The following NCKAP5 variants were observed in gnomAD, a reference collection of about 807,000 sequenced individuals.
The protein encoded by NCKAP5 is nck-associated protein 5.
Under a neutral mutation model 167.0 loss-of-function variants are expected in NCKAP5, and 92 were observed. That is an observed-to-expected ratio of 0.55 (90% confidence interval 0.47 to 0.66). NCKAP5 has a LOEUF of 0.66. Ranked by LOEUF, NCKAP5 falls within the 30% of genes least tolerant of loss-of-function variation. The probability of loss-of-function intolerance (pLI) is 0.00; values close to 1 mark genes in which losing one functional copy is unlikely to be tolerated. For synonymous variants in NCKAP5, 891 were observed against 877.4 expected (o/e 1.02, Z -0.27); for missense variants, 2,378 against 2,315.0 (o/e 1.03, Z -0.56).
At chr2:133,598,424 G>A in the NCKAP5 span, among the ~76,000 whole-genome samples, 901 of 152,224 alleles carry the variant, frequency 5.9e-3, 28 homozygotes, top group Admixed American at 0.052. Context: ...GAACTGGCTG[G>A]ACCACACAAC....
rs753854355 is a variant in NCKAP5 at position 133,568,308 on chromosome 2, TG to T, written c.-223del. ...CCAGCTAAAAATTTCCTCCCGCGGT[TG>T]GTTATCCTCTGTTTATTTTTGAAGC... On this transcript the variant is annotated 5_prime_UTR_variant, in exon 1 of 20. Transcript: ENST00000409261. 1 of 152,124 alleles carries T rather than the reference TG, an allele frequency of 6.6e-6. No homozygotes were observed. Among genetic ancestry groups the T allele is most frequent in the Non-Finnish European group, 1.5e-5 (1 of 68,026 alleles). The allele number at this position is 152,124 out of a possible 1,614,324, so 9.4% of individuals were successfully genotyped here.
At chr2:132,937,253 T>C (rs1574695865) in intron 8 of NCKAP5, among the ~76,000 whole-genome samples, 1 of 152,188 alleles carries the variant, frequency 6.6e-6, no homozygotes, top group East Asian at 1.9e-4. Context: ...ATGGGCATGG[T>C]AAAGGGATCT....
intron 8 of NCKAP5, among the ~76,000 whole-genome samples, chr2:132,960,412 C>G (rs201537250): frequency 2.0e-5 from 3 of 152,242 alleles, no homozygotes; most frequent in East Asian, 3.9e-4. Context: ...AGAAAGGCTA[C>G]TGCGAAACGC....
chr2:132,799,538 C>A (rs1464345374), intron 11 of NCKAP5, among the ~76,000 whole-genome samples: 3 of 152,096 alleles, frequency 2.0e-5, no homozygotes, highest in African/African-American at 7.2e-5. Context: ...TAGAGAGGCA[C>A]TATCATATTA....
At chr2:133,141,435 C>T (rs1574159081) in intron 5 of NCKAP5, among the ~76,000 whole-genome samples, 1 of 150,476 alleles carries the variant, frequency 6.6e-6, no homozygotes. Flanking sequence ...CAACTCTATT[C>T]AGACTAAGAA....
rs779951992 is a variant in NCKAP5 at position 132,783,436 on chromosome 2, G to C, written c.3375C>G (p.Ala1125=). 2 of 1,585,682 alleles carry C rather than the reference G, an allele frequency of 1.3e-6. No homozygotes were observed. The highest frequency in any genetic ancestry group is 1.7e-6 in the Non-Finnish European group (2 of 1,166,294). ...AACCATGAGGGCTGTTATGGCTTTT[G>C]GCGGGTGATGAGGATGATGAGGAAC... is the stretch of plus-strand genomic sequence containing the variant. ...VSSSSSSSSP[A]KSHNSPHGCQ... Residue 1125 remains alanine, a synonymous_variant, in exon 14 of 20, where the codon GCC becomes GCG. Transcript: ENST00000409261.
At position 133,231,001 on chromosome 2, in the gene NCKAP5, T is replaced by C. The variant is rs538335177; in HGVS notation, c.144-17222A>G. On this transcript the variant is annotated intron_variant, in intron 4 of 19. Coordinates refer to ENST00000409261, the MANE Select transcript of NCKAP5 (RefSeq NM_207363.3). ...GCTGCTGCCAACCATTCCAAATATG[T>C]TGTAATGAGCAGATAGCAAGACATC... Among the ~76,000 whole-genome samples the C allele has an allele frequency of 5.3e-5, 8 of 152,280 alleles. No homozygotes were observed. In the Middle Eastern group the frequency reaches 0.01, roughly 194 times the overall value.
intron 11 of NCKAP5, among the ~76,000 whole-genome samples, chr2:132,800,053 A>G (rs1684907754): frequency 1.3e-5 from 2 of 152,340 alleles, no homozygotes; most frequent in South Asian, 4.1e-4. Flanking sequence ...CATCATATAC[A>G]TAATATACAG....
chr2:133,186,758 T>G (rs2084964177), intron 5 of NCKAP5, among the ~76,000 whole-genome samples: 1 of 152,046 alleles, frequency 6.6e-6, no homozygotes, highest in Admixed American at 6.6e-5. Context: ...CACAATACTC[T>G]CTGAGGATCT....
intron 11 of NCKAP5, among the ~76,000 whole-genome samples, chr2:132,854,969 A>C (rs1011697133): frequency 1.3e-5 from 2 of 152,110 alleles, no homozygotes; most frequent in African/African-American, 4.8e-5. Context: ...AAAAAGAAAA[A>C]TGAGGCTGTT....
chr2:132,703,139 C>G (rs1265090489), intron 19 of NCKAP5, among the ~76,000 whole-genome samples: 1 of 152,044 alleles, frequency 6.6e-6, no homozygotes, highest in Non-Finnish European at 1.5e-5. Flanking sequence ...TATGATCATA[C>G]TAGTACACTC....
chr2:132,834,214 G>A (rs903200896), intron 11 of NCKAP5, among the ~76,000 whole-genome samples: 8 of 151,872 alleles, frequency 5.3e-5, no homozygotes, highest in African/African-American at 1.9e-4. Flanking sequence ...TCATTTTTTA[G>A]ATACAGGGTC....
the NCKAP5 span, among the ~76,000 whole-genome samples, chr2:133,625,714 C>CA: frequency 3.3e-5 from 5 of 151,756 alleles, no homozygotes; most frequent in East Asian, 1.9e-4. Context: ...ACTAAAAATA[C>CA]AAAAAAATTA....
intron 3 of NCKAP5, among the ~76,000 whole-genome samples, chr2:133,512,349 T>G (rs1418604505): frequency 1.3e-5 from 2 of 152,126 alleles, no homozygotes; most frequent in Non-Finnish European, 2.9e-5. Context: ...TAAATACAAA[T>G]CACTACTTAG....
the NCKAP5 span, among the ~76,000 whole-genome samples, chr2:133,674,266 A>G: frequency 5.9e-5 from 9 of 152,062 alleles, no homozygotes; most frequent in African/African-American, 1.2e-4. Context: ...CACGATTGAC[A>G]TGCATAGTGT....
At chr2:133,182,820 G>A (rs1182138718) in intron 5 of NCKAP5, among the ~76,000 whole-genome samples, 15 of 152,058 alleles carry the variant, frequency 9.9e-5, no homozygotes, top group Non-Finnish European at 1.8e-4. Context: ...ATGAAAGTAA[G>A]AGCAGATTCT....
intron 16 of NCKAP5, among the ~76,000 whole-genome samples, chr2:132,735,057 G>T (rs1372186692): frequency 6.6e-6 from 1 of 152,222 alleles, no homozygotes; most frequent in Admixed American, 6.5e-5. Context: ...GCATCTAGCT[G>T]GTTGTCTGGT....
intron 11 of NCKAP5, among the ~76,000 whole-genome samples, chr2:132,845,530 A>G (rs185376298): frequency 6.6e-6 from 1 of 152,282 alleles, no homozygotes; most frequent in Non-Finnish European, 1.5e-5. Context: ...CACCACAACC[A>G]TTTATGCATA....
intron 19 of NCKAP5, among the ~76,000 whole-genome samples, chr2:132,686,607 G>A (rs1390593026): frequency 6.6e-6 from 1 of 152,172 alleles, no homozygotes; most frequent in Non-Finnish European, 1.5e-5. Context: ...AAAGGAGGAT[G>A]CTAATTATGT....
Sources: allele counts gnomAD v4.1 joint callset (sites outside exome capture counted in the v4.1 genomes callset), GRCh38; gene constraint gnomAD v4.1.1; transcripts MANE v1.5; gene names NCBI Gene and HGNC (gene_info 2026-07-23, HGNC 2026-07-21).